The following SH3BP4 variants were observed in gnomAD, a reference collection of about 807,000 sequenced individuals.
SH3BP4 encodes the protein SH3 domain binding protein 4.
SH3BP4 carries 33 observed loss-of-function variants against 65.5 expected under a neutral mutation model. The observed-to-expected ratio is 0.50, with a 90% CI of 0.38 to 0.67. SH3BP4 has a LOEUF of 0.67. Among genes scored for constraint, SH3BP4 ranks in the 30% least tolerant of loss-of-function variants. SH3BP4 has a pLI of 0.00. For missense variants in SH3BP4, 1,134 were observed against 1,261.4 expected (o/e 0.90, Z 1.53); for synonymous variants, 552 against 545.5 (o/e 1.01, Z -0.17).
rs895816519 is a variant in SH3BP4 at position 235,052,158 on chromosome 2, C to T, written c.2479-404C>T. 1.3e-5 allele frequency among the ~76,000 whole-genome samples: 2 copies of T among 151,350 alleles called. No individual in the cohort carries two copies. The highest frequency in any genetic ancestry group is 1.5e-5 in the Non-Finnish European group (1 of 67,956). On this transcript the variant is annotated intron_variant, in intron 4 of 5. Transcript: ENST00000392011. The surrounding 1 kb of genome is among the most constrained non-coding windows in gnomAD (Gnocchi z 5.0). The stretch of plus-strand genomic sequence containing the variant: ...CCTTGGCTTGTTGCCGCATCTGTCC[C>T]GTCTCTGCCTCCGTCTTCACACGGC...
chr2:235,042,428 C>A lies in SH3BP4; in HGVS notation c.1659C>A (p.Ser553Arg). ...TGACGAATTACGAGGTCAAAGCCAG[C>A]GAGCAGGCCAAAGTGGTGCGAGGAT... ...SNMTNYEVKA[S>R]EQAKVVRGFQ... Residue 553 changes from serine (S) to arginine (R), a missense_variant, in exon 4 of 6, where the codon AGC becomes AGA. Ser to Arg is a moderately radical substitution (Grantham distance 110). Coordinates refer to ENST00000392011, the MANE Select transcript of SH3BP4 (RefSeq NM_014521.3). The surrounding 1 kb of genome is among the most constrained non-coding windows in gnomAD (Gnocchi z 7.3). The A allele has an allele frequency of 6.2e-7, 1 of 1,614,124 alleles. No individual in the cohort carries two copies. The highest frequency in any genetic ancestry group is 8.5e-7 in the Non-Finnish European group (1 of 1,180,010).
At chr2:235,031,854 G>A (rs919877586) in intron 2 of SH3BP4, among the ~76,000 whole-genome samples, 8 of 152,244 alleles carry the variant, frequency 5.3e-5, no homozygotes, top group South Asian at 2.1e-4. Context: ...AGCAGCCTGC[G>A]TGGAGCCCCA....
chr2:234,993,401 G>C (rs1236706415), intron 1 of SH3BP4, among the ~76,000 whole-genome samples: 2 of 152,194 alleles, frequency 1.3e-5, no homozygotes, highest in Non-Finnish European at 2.9e-5. Flanking sequence ...CAGTGCCGGT[G>C]CCTGCCTAGA....
chr2:235,028,197 G>A (rs536665323), intron 2 of SH3BP4, among the ~76,000 whole-genome samples: 48 of 152,296 alleles, frequency 3.2e-4, no homozygotes, highest in African/African-American at 1.1e-3. Context: ...ACCTGACCCC[G>A]GCTGGGAGGT....
intron 1 of SH3BP4, among the ~76,000 whole-genome samples, chr2:234,990,533 C>T (rs1206207821): frequency 6.6e-6 from 1 of 152,174 alleles, no homozygotes; most frequent in Non-Finnish European, 1.5e-5. Context: ...CTGCATATTC[C>T]CTGGGAACTC....
In SH3BP4 at chr2:235,042,618, A is replaced by G. The variant is rs765219028; in HGVS notation, c.1849A>G (p.Ile617Val). Reference sequence around the variant, plus strand: ...TCCTCAGCCACCCCCTAAAAGTGCCATCAAGCCTTCCGGGCAAAGGAGGTT... The same window carrying G: ...TCCTCAGCCACCCCCTAAAAGTGCCGTCAAGCCTTCCGGGCAAAGGAGGTT... ...QTPQPPPKSA[I>V]KPSGQRRFLK... Residue 617 changes from isoleucine (I) to valine (V), a missense_variant, in exon 4 of 6, where the codon ATC becomes GTC. Ile to Val is a conservative substitution (Grantham distance 29). Coordinates refer to ENST00000392011, the MANE Select transcript of SH3BP4 (RefSeq NM_014521.3). The surrounding 1 kb of genome is among the most constrained non-coding windows in gnomAD (Gnocchi z 7.3). The G allele has an allele frequency of 9.3e-6, 15 of 1,614,004 alleles. No individual in the cohort carries two copies. In the Admixed American group the frequency reaches 2.3e-4, roughly 25 times the overall value.
intron 2 of SH3BP4, among the ~76,000 whole-genome samples, chr2:235,029,529 A>AT (rs1695110292): frequency 6.6e-6 from 1 of 152,210 alleles, no homozygotes; most frequent in African/African-American, 2.4e-5. Context: ...TTCCTAGCCA[A>AT]GGGGAGATAG....
chr2:235,000,429 C>T (rs1175408809), intron 2 of SH3BP4, among the ~76,000 whole-genome samples: 1 of 152,194 alleles, frequency 6.6e-6, no homozygotes, highest in Non-Finnish European at 1.5e-5. Context: ...ATCTGGGCCC[C>T]GCCCTTTGGT....
At chr2:235,044,661 G>A (rs959464119) in intron 4 of SH3BP4, among the ~76,000 whole-genome samples, 3 of 152,224 alleles carry the variant, frequency 2.0e-5, no homozygotes, top group East Asian at 1.9e-4. Context: ...CCACCTCCCC[G>A]GCTCCCCTGG....
chr2:234,952,678 C>G lies in SH3BP4; in HGVS notation c.-207+508C>G, dbSNP rs1254633370. The G allele has an allele frequency of 6.6e-6, 1 of 152,204 alleles. No individual in the cohort carries two copies. Among genetic ancestry groups the G allele is most frequent in the Non-Finnish European group, 1.5e-5 (1 of 68,076 alleles). 9.4% of individuals were successfully genotyped at this position (152,204 alleles called of 1,614,324 possible). ...GAAGGACGCGCGGTCTCCGGTTAAA[C>G]TTGTTGGTGACAATGCATATTTCAA... On this transcript the variant is annotated intron_variant, in intron 1 of 5. Transcript: ENST00000392011. The surrounding 1 kb of genome is among the most constrained non-coding windows in gnomAD (Gnocchi z 6.5).
intron 2 of SH3BP4, among the ~76,000 whole-genome samples, chr2:235,023,294 C>G (rs898167346): frequency 6.6e-6 from 1 of 152,180 alleles, no homozygotes; most frequent in Admixed American, 6.5e-5. Flanking sequence ...CACCTATACT[C>G]TCAGCACTTT....
At chr2:234,965,398 A>G (rs950941221) in intron 1 of SH3BP4, among the ~76,000 whole-genome samples, 1 of 152,092 alleles carries the variant, frequency 6.6e-6, no homozygotes, top group Non-Finnish European at 1.5e-5. Context: ...CTGTCTCTGC[A>G]CCCCCGTGAG....
At chr2:234,965,550 C>T (rs1171057557) in intron 1 of SH3BP4, among the ~76,000 whole-genome samples, 1 of 152,194 alleles carries the variant, frequency 6.6e-6, no homozygotes, top group African/African-American at 2.4e-5. Flanking sequence ...AGAGGAAAAC[C>T]ATTAGCTTTT....
At chr2:234,982,295 TTTGCAGGGTTTTGTCCACTTCTGTG>T (rs1445936735) in intron 1 of SH3BP4, among the ~76,000 whole-genome samples, 1 of 152,036 alleles carries the variant, frequency 6.6e-6, no homozygotes, top group African/African-American at 2.4e-5. Flanking sequence ...CACCTGTGGC[TTTGCAGGGTTTTGTCCACTTCTGTG>T]TTGGTGCCCT....
rs1435065744 is a variant in SH3BP4, at chr2:235,012,470, A to G, written c.-133+17094A>G. On this transcript the variant is annotated intron_variant, in intron 2 of 5. Transcript: ENST00000392011. ...CTGGTTGTCATGTTTGGATCATTGT[A>G]CATCCCACCTAAAGAAAGCACACCC... 3.3e-5 allele frequency among the ~76,000 whole-genome samples: 5 copies of G among 152,336 alleles called. No individual in the cohort carries two copies. In the East Asian group the frequency reaches 9.7e-4, roughly 29 times the overall value.
chr2:234,981,706 ACGAC>A (rs1352781103), intron 1 of SH3BP4: 3 of 117,056 alleles, frequency 2.6e-5, no homozygotes, highest in South Asian at 2.6e-4. Flanking sequence ...AGGTGAAGTC[ACGAC>A]TGACTTTCGG....
chr2:235,016,424 T>C (rs1355211262), intron 2 of SH3BP4, among the ~76,000 whole-genome samples: 2 of 152,188 alleles, frequency 1.3e-5, no homozygotes, highest in Non-Finnish European at 2.9e-5. Flanking sequence ...TGACTGGAAG[T>C]GTCTGGTGAT....
chr2:235,038,257 AAT>A (rs1553567282), intron 3 of SH3BP4, among the ~76,000 whole-genome samples: 1 of 43,988 alleles, frequency 2.3e-5, no homozygotes, highest in Non-Finnish European at 3.9e-5. Context: ...TATTATATAT[AAT>A]ATATATTATA....
intron 2 of SH3BP4, among the ~76,000 whole-genome samples, chr2:235,021,443 G>T (rs1332446090): frequency 6.6e-6 from 1 of 151,424 alleles, no homozygotes; most frequent in Non-Finnish European, 1.5e-5. Context: ...GTGAAACCCT[G>T]TCTCTACTAA....
Sources: gnomAD v4.1 joint callset for allele counts (sites outside exome capture counted in the v4.1 genomes callset) on GRCh38, gnomAD v4.1.1 for gene constraint, Gnocchi (gnomAD v3.1) non-coding constraint, MANE v1.5 for transcripts, NCBI Gene and HGNC (gene_info 2026-07-23, HGNC 2026-07-21) for gene names.